NRXN1: variants seen among roughly 807,000 people sequenced by gnomAD.
The protein encoded by NRXN1 is neurexin 1.
A neutral mutation model predicts 150.9 loss-of-function variants in NRXN1; 39 were observed. The ratio of observed to expected loss-of-function variants is 0.26; its 90% CI spans 0.20 to 0.34. The LOEUF (loss-of-function observed/expected upper bound fraction) is 0.34. Ranked by LOEUF, NRXN1 falls within the 10% of genes least tolerant of loss-of-function variation. NRXN1 has a pLI of 1.00. For synonymous variants in NRXN1, 924 were observed against 757.0 expected, an observed-to-expected ratio of 1.22 and a Z score of -3.62; for missense variants, 1,815 against 1,949.9, an observed-to-expected ratio of 0.93 and a Z score of 1.30.
chr2:50,250,482 T>A (rs1326337050), intron 17 of NRXN1, among the ~76,000 whole-genome samples: 1 of 152,098 alleles, frequency 6.6e-6, no homozygotes, highest in African/African-American at 2.4e-5. Context: ...TACCACTATG[T>A]CTTATCTCTT....
chr2:50,203,310 C>A (rs942352342), intron 18 of NRXN1, among the ~76,000 whole-genome samples: 6 of 152,122 alleles, frequency 3.9e-5, no homozygotes, highest in Admixed American at 2.6e-4. Context: ...GTGTAGGAAA[C>A]AAACTCTGAA....
At chr2:50,767,172 T>C (rs1343192105) in intron 5 of NRXN1, among the ~76,000 whole-genome samples, 4 of 152,018 alleles carry the variant, frequency 2.6e-5, no homozygotes, top group Non-Finnish European at 5.9e-5. Flanking sequence ...ATGGGGAAAA[T>C]TGTGGACATT....
In NRXN1 at chr2:50,305,025, G is replaced by A. The variant is rs541928889; in HGVS notation, c.3365-68055C>T. 1.8e-4 allele frequency among the ~76,000 whole-genome samples: 27 copies of A among 152,270 alleles called. 1 individual carries two copies. The highest frequency in any genetic ancestry group is 6.0e-4 in the African/African-American group (25 of 41,568). Reference sequence around the variant, plus strand: ...GAATTGCTTGAACGTGGGAGGCAGAGGGTGTAGTGAGCCAAGATTGCTCCA... The same window carrying A: ...GAATTGCTTGAACGTGGGAGGCAGAAGGTGTAGTGAGCCAAGATTGCTCCA... On this transcript the variant is annotated intron_variant, in intron 17 of 22. Transcript: ENST00000401669.
chr2:49,980,655 A>G (rs1679845224), intron 21 of NRXN1, among the ~76,000 whole-genome samples: 2 of 152,186 alleles, frequency 1.3e-5, no homozygotes, highest in Admixed American at 1.3e-4. Context: ...TGTACAAATC[A>G]TAGCATTTAG....
At chr2:50,361,296 A>T (rs961785584) in intron 17 of NRXN1, among the ~76,000 whole-genome samples, 1 of 152,220 alleles carries the variant, frequency 6.6e-6, no homozygotes, top group African/African-American at 2.4e-5. Context: ...AGACACAAAA[A>T]AACCTTCAAA....
At chr2:50,874,270 C>CA (rs1321228411) in intron 5 of NRXN1, among the ~76,000 whole-genome samples, 1 of 151,804 alleles carries the variant, frequency 6.6e-6, no homozygotes, top group Non-Finnish European at 1.5e-5. Flanking sequence ...TCCCTAGCAC[C>CA]GTTATCTCAG....
At chr2:50,551,044 G>GAAGAAGAAGAAGAA (rs1491286570) in intron 9 of NRXN1, among the ~76,000 whole-genome samples, 1 of 66,178 alleles carries the variant, frequency 1.5e-5, no homozygotes, top group African/African-American at 8.4e-5. Flanking sequence ...AAGAGGAAGA[G>GAAGAAGAAGAAGAA]GAAGAGGAAG....
intron 21 of NRXN1, among the ~76,000 whole-genome samples, chr2:50,035,290 G>A (rs1037150350): frequency 2.6e-5 from 4 of 152,120 alleles, no homozygotes; most frequent in Admixed American, 6.5e-5. Flanking sequence ...AAACTATCAT[G>A]TTTTCTAATT....
At chr2:50,150,636 T>C (rs181376298) in intron 18 of NRXN1, among the ~76,000 whole-genome samples, 583 of 151,948 alleles carry the variant, frequency 3.8e-3, no homozygotes, top group Non-Finnish European at 7.0e-3. Flanking sequence ...TAAAGAAGAA[T>C]CATTTAGGAA....
chr2:50,325,704 A>C (rs1431394057), intron 17 of NRXN1, among the ~76,000 whole-genome samples: 2 of 152,208 alleles, frequency 1.3e-5, no homozygotes, highest in African/African-American at 4.8e-5. Flanking sequence ...ATTTAGAAAC[A>C]GAATAGCCTT....
chr2:50,345,413 C>G (rs1456077454), intron 17 of NRXN1, among the ~76,000 whole-genome samples: 2 of 152,128 alleles, frequency 1.3e-5, no homozygotes, highest in African/African-American at 4.8e-5. Flanking sequence ...CAGGGCAGAG[C>G]AAACTCATAA....
At chr2:50,459,302 T>C (rs988251959) in intron 17 of NRXN1, among the ~76,000 whole-genome samples, 1 of 152,200 alleles carries the variant, frequency 6.6e-6, no homozygotes, top group Admixed American at 6.6e-5. Context: ...AATAAAATGA[T>C]ACTAAGTATT....
In NRXN1 at chr2:50,702,930, T is replaced by C. The variant is rs367862808; in HGVS notation, c.833-79315A>G. On this transcript the variant is annotated intron_variant, in intron 5 of 22. Coordinates refer to ENST00000401669, the MANE Select transcript of NRXN1 (RefSeq NM_001330078.2). ...AATTCCCCTATCAGGATGCCCTTTTTGTTTTGTTCTGCTTCCCCCTTTATA... is the reference window on the plus strand; with the variant it reads ...AATTCCCCTATCAGGATGCCCTTTTCGTTTTGTTCTGCTTCCCCCTTTATA... Among the ~76,000 whole-genome samples, 33 of 152,232 alleles carry C rather than the reference T, an allele frequency of 2.2e-4. 1 individual carries two copies. Among genetic ancestry groups the C allele is most frequent in the African/African-American group, 7.7e-4 (32 of 41,562 alleles).
At chr2:50,566,651 G>T (rs920673934) in intron 8 of NRXN1, among the ~76,000 whole-genome samples, 2 of 152,098 alleles carry the variant, frequency 1.3e-5, no homozygotes, top group African/African-American at 4.8e-5. Flanking sequence ...TACGTCTCAT[G>T]ACAGTCTTAT....
chr2:50,783,855 T>C (rs778846508), intron 5 of NRXN1, among the ~76,000 whole-genome samples: 1 of 152,100 alleles, frequency 6.6e-6, no homozygotes, highest in Non-Finnish European at 1.5e-5. Flanking sequence ...GTAACTATTA[T>C]TTGGTAAGAA....
intron 5 of NRXN1, among the ~76,000 whole-genome samples, chr2:50,771,987 T>C (rs1336636024): frequency 6.6e-5 from 10 of 152,058 alleles, no homozygotes; most frequent in African/African-American, 1.9e-4. Context: ...AATGGGAGAA[T>C]GTATTCTAAA....
At chr2:50,096,693 T>C (rs927321521) in intron 18 of NRXN1, among the ~76,000 whole-genome samples, 1 of 152,196 alleles carries the variant, frequency 6.6e-6, no homozygotes, top group African/African-American at 2.4e-5. Flanking sequence ...AGACTTTCCA[T>C]GGATTCATTA....
rs1278349292 is a variant in NRXN1 at position 50,950,529 on chromosome 2, C to A, written c.773-24574G>T. ...CTGGGGCGTGCATGTATCACGGTTTCTCACCTTTGTTGCTATTAACATTTT... is the reference window on the plus strand; with the variant it reads ...CTGGGGCGTGCATGTATCACGGTTTATCACCTTTGTTGCTATTAACATTTT... On this transcript the variant is annotated intron_variant, in intron 2 of 22. Coordinates refer to ENST00000401669, the MANE Select transcript of NRXN1 (RefSeq NM_001330078.2). 2.6e-5 allele frequency among the ~76,000 whole-genome samples: 4 copies of A among 152,110 alleles called. No individual in the cohort carries two copies. In the East Asian group the frequency reaches 7.7e-4, roughly 29 times the overall value.
chr2:50,217,239 T>G (rs558845671), intron 18 of NRXN1, among the ~76,000 whole-genome samples: 1 of 152,162 alleles, frequency 6.6e-6, no homozygotes, highest in South Asian at 2.1e-4. Flanking sequence ...ATAATAAAAT[T>G]TGCTATTATT....
Sources: allele counts gnomAD v4.1 joint callset (sites outside exome capture counted in the v4.1 genomes callset), GRCh38; gene constraint gnomAD v4.1.1; transcripts MANE v1.5; gene names NCBI Gene and HGNC (gene_info 2026-07-23, HGNC 2026-07-21).